ZNF385D: variants seen among roughly 807,000 people sequenced by gnomAD.
ZNF385D encodes zinc finger protein 385D, also known as zinc finger protein 659.
A neutral mutation model predicts 35.8 loss-of-function variants in ZNF385D; 15 were observed. The observed-to-expected ratio is 0.42, with a 90% CI of 0.28 to 0.64. The LOEUF is 0.64. Among genes scored for constraint, ZNF385D ranks in the 30% least tolerant of loss-of-function variants. ZNF385D has a pLI of 0.23. For synonymous variants in ZNF385D, 212 were observed against 186.8 expected (o/e 1.13, Z -1.10); for missense variants, 474 against 494.6 (o/e 0.96, Z 0.39).
chr3:21,737,453 A>G (rs961378225), intron 1 of ZNF385D, among the ~76,000 whole-genome samples: 1 of 118,862 alleles, frequency 8.4e-6, no homozygotes, highest in African/African-American at 3.2e-5. Flanking sequence ...TATAAACAAG[A>G]GGGGGATATA....
chr3:22,235,500 A>T (rs566814507), intron 2 of ZNF385D, among the ~76,000 whole-genome samples: 21 of 152,198 alleles, frequency 1.4e-4, no homozygotes, highest in African/African-American at 4.6e-4. Flanking sequence ...AAAATACCCA[A>T]AACAATGCCA....
At chr3:21,595,284 G>T (rs578061208) in intron 2 of ZNF385D, among the ~76,000 whole-genome samples, 92 of 151,998 alleles carry the variant, frequency 6.1e-4, no homozygotes, top group Non-Finnish European at 6.0e-4. Context: ...ACCTCCAGGC[G>T]AGCCCTATTC....
chr3:21,670,097 A>C (rs1013215362), intron 1 of ZNF385D, among the ~76,000 whole-genome samples: 22 of 152,142 alleles, frequency 1.4e-4, no homozygotes, highest in African/African-American at 5.3e-4. Context: ...GCCACTGTTA[A>C]ATATTCATGC....
intron 2 of ZNF385D, among the ~76,000 whole-genome samples, chr3:21,660,820 C>A (rs2066216809): frequency 6.6e-6 from 1 of 152,296 alleles, no homozygotes; most frequent in East Asian, 1.9e-4. Flanking sequence ...GTACAGGACA[C>A]TGGGGCTCTG....
chr3:22,009,638 A>T (rs1054708042), intron 3 of ZNF385D, among the ~76,000 whole-genome samples: 1 of 150,454 alleles, frequency 6.6e-6, no homozygotes, highest in South Asian at 2.1e-4. Flanking sequence ...AAAAAATAAA[A>T]AAAAAAAAGA....
intron 3 of ZNF385D, among the ~76,000 whole-genome samples, chr3:21,763,938 G>C (rs2070724307): frequency 6.6e-6 from 1 of 152,154 alleles, no homozygotes; most frequent in African/African-American, 2.4e-5. Context: ...CAGGGATACT[G>C]GAGTAACTAA....
chr3:21,885,754 G>C (rs868569226), intron 3 of ZNF385D, among the ~76,000 whole-genome samples: 1 of 142,692 alleles, frequency 7.0e-6, no homozygotes, highest in Non-Finnish European at 1.5e-5. Context: ...GTGTGTGTGT[G>C]TGTGTGTGTG....
At chr3:21,626,896 C>A (rs1165135010) in intron 2 of ZNF385D, among the ~76,000 whole-genome samples, 2 of 152,000 alleles carry the variant, frequency 1.3e-5, no homozygotes, top group Non-Finnish European at 2.9e-5. Flanking sequence ...CAATGCACAT[C>A]AATGTGTGGT....
intron 3 of ZNF385D, among the ~76,000 whole-genome samples, chr3:21,837,130 A>T (rs1449373343): frequency 2.0e-5 from 3 of 151,994 alleles, no homozygotes; most frequent in East Asian, 3.9e-4. Context: ...GCTAAGTGAA[A>T]TTTTTTTTAT....
intron 3 of ZNF385D, among the ~76,000 whole-genome samples, chr3:22,138,361 G>C (rs1228501478): frequency 2.0e-5 from 3 of 152,046 alleles, no homozygotes; most frequent in East Asian, 3.9e-4. Context: ...ATTGCCAAGT[G>C]AGTCCTAAGC....
chr3:22,306,678 T>G (rs1426516358), intron 2 of ZNF385D, among the ~76,000 whole-genome samples: 4 of 152,124 alleles, frequency 2.6e-5, no homozygotes. Flanking sequence ...CTGATATGGC[T>G]GCAATGTAAG....
chr3:22,019,034 C>CTTTTTTTTTTTTTTTTTT lies in ZNF385D; in HGVS notation c.325+149765_325+149782dup, dbSNP rs11380195. On this transcript the variant is annotated intron_variant, in intron 3 of 5. Transcript: ENST00000494108. ...CAGTTTCATGGATAGAGTTATTTACCTTTTTTTTTTTTTTTTTTTTTTTTT... is the reference window on the plus strand; with the variant it reads ...CAGTTTCATGGATAGAGTTATTTACCTTTTTTTTTTTTTTTTTTTTTTTTTTTTTTTTTTTTTTTTTTT... Among the ~76,000 whole-genome samples the CTTTTTTTTTTTTTTTTTT allele has an allele frequency of 3.7e-4, 24 of 64,464 alleles. 3 individuals carry two copies. Among genetic ancestry groups the CTTTTTTTTTTTTTTTTTT allele is most frequent in the South Asian group, 6.9e-4 (1 of 1,454 alleles). The allele number at this position is 64,464 out of a possible 152,430, so 42.3% of individuals were successfully genotyped here. A position where few individuals can be genotyped will look rare whatever the true frequency, so the allele number is the denominator to read the frequency against.
intron 2 of ZNF385D, among the ~76,000 whole-genome samples, chr3:21,618,422 A>G (rs1443047130): frequency 6.6e-6 from 1 of 152,218 alleles, no homozygotes; most frequent in Non-Finnish European, 1.5e-5. Flanking sequence ...CAGTCTTGCC[A>G]TACCCAGTGT....
At chr3:22,200,943 T>G (rs1417012006) in intron 2 of ZNF385D, among the ~76,000 whole-genome samples, 1 of 152,158 alleles carries the variant, frequency 6.6e-6, no homozygotes, top group Non-Finnish European at 1.5e-5. Flanking sequence ...TGGTCTTTTT[T>G]CAAGGTGTCC....
At chr3:22,338,634 A>G (rs1695278036) in intron 2 of ZNF385D, among the ~76,000 whole-genome samples, 1 of 151,432 alleles carries the variant, frequency 6.6e-6, no homozygotes, top group Non-Finnish European at 1.5e-5. Context: ...ATGTAACAAG[A>G]TTTTTAGTTT....
chr3:22,278,807 G>A (rs1206654057), intron 2 of ZNF385D, among the ~76,000 whole-genome samples: 1 of 152,118 alleles, frequency 6.6e-6, no homozygotes, highest in Admixed American at 6.6e-5. Flanking sequence ...CTCTTGGGCA[G>A]GGATCCAGAT....
chr3:22,027,319 C>T (rs988427738), intron 3 of ZNF385D, among the ~76,000 whole-genome samples: 10 of 152,144 alleles, frequency 6.6e-5, no homozygotes, highest in African/African-American at 1.2e-4. Flanking sequence ...AATGGGGTCC[C>T]GAACAGGGGA....
intron 3 of ZNF385D, among the ~76,000 whole-genome samples, chr3:21,779,866 G>T (rs569353311): frequency 1.4e-4 from 22 of 151,834 alleles, no homozygotes; most frequent in Admixed American, 2.6e-4. Context: ...TATTCTTTTT[G>T]TGGTCCTCAC....
chr3:22,115,237 C>A (rs537836638), intron 3 of ZNF385D, among the ~76,000 whole-genome samples: 1 of 152,012 alleles, frequency 6.6e-6, no homozygotes, highest in Non-Finnish European at 1.5e-5. Context: ...GCAAAATTTA[C>A]AAGAACCAGG....
Sources: gnomAD v4.1 joint callset for allele counts (sites outside exome capture counted in the v4.1 genomes callset) on GRCh38, gnomAD v4.1.1 for gene constraint, MANE v1.5 for transcripts, NCBI Gene and HGNC (gene_info 2026-07-23, HGNC 2026-07-21) for gene names.